SPATA25: variants seen among roughly 807,000 people sequenced by gnomAD.
SPATA25 encodes the protein spermatogenesis associated 25.
SPATA25 carries 16 observed loss-of-function variants against 16.0 expected under a neutral mutation model. That is an observed-to-expected ratio of 1.00 (90% confidence interval 0.68 to 1.52). The LOEUF is 1.52. Among genes scored for constraint, SPATA25 ranks in the 40% most tolerant of loss-of-function variants. SPATA25 has a pLI of 0.00. For missense variants in SPATA25, 285 were observed against 289.2 expected (o/e 0.99, Z 0.11); for synonymous variants, 115 against 118.5 (o/e 0.97, Z 0.19).
upstream of SPATA25, chr20:45,890,734 G>C (rs147644955): frequency 6.2e-7 from 1 of 1,613,304 alleles, no homozygotes; most frequent in Admixed American, 1.7e-5. Context: ...GGTCCAGCGC[G>C]GTCAGACCGA....
upstream of SPATA25, chr20:45,887,634 G>A (rs59032287): frequency 2.4e-3 from 3,825 of 1,589,484 alleles, 81 homozygotes; most frequent in African/African-American, 0.045. Flanking sequence ...GTGATCTGCC[G>A]CCTGTCCTCC....
upstream of SPATA25, chr20:45,890,688 G>C: frequency 6.2e-7 from 1 of 1,613,756 alleles, no homozygotes; most frequent in Non-Finnish European, 8.5e-7. Context: ...ACCAGATCGG[G>C]CAGAGAAAAC....
chr20:45,888,746 C>T, upstream of SPATA25: 1 of 1,613,582 alleles, frequency 6.2e-7, no homozygotes, highest in Non-Finnish European at 8.5e-7. Flanking sequence ...TGCTCTGGTG[C>T]ACTGTGGGTC....
chr20:45,889,623 T>TC (rs1986650460), upstream of SPATA25, among the ~76,000 whole-genome samples: 1 of 150,596 alleles, frequency 6.6e-6, no homozygotes, highest in Admixed American at 6.6e-5. Context: ...CTCTCTCTCT[T>TC]TCTTTTTTTT....
chr20:45,886,642 C>T lies in SPATA25; in HGVS notation c.559G>A (p.Ala187Thr). The T allele has an allele frequency of 6.2e-7, 1 of 1,614,070 alleles. No individual in the cohort carries two copies. Among genetic ancestry groups the T allele is most frequent in the Non-Finnish European group, 8.5e-7 (1 of 1,180,038 alleles). The change falls in exon 2 of 2, where the codon GCC becomes ACC. Residue 187 changes from alanine to threonine, a missense_variant. Ala to Thr is a moderately conservative substitution (Grantham distance 58, BLOSUM62 0). Coordinates refer to ENST00000372519, the MANE Select transcript of SPATA25 (RefSeq NM_080608.4). ...LIWAAQAFMMAHPEPEGAVEG... is the reference protein window; with the variant it reads ...LIWAAQAFMMTHPEPEGAVEG... ...ACAGCACCCTCTGGCTCCGGATGGGCCATCATGAAAGCTTGAGCGGCCCAG... is the reference window on the plus strand; with the variant it reads ...ACAGCACCCTCTGGCTCCGGATGGGTCATCATGAAAGCTTGAGCGGCCCAG...
upstream of SPATA25, chr20:45,888,878 G>T (rs1179401143): frequency 6.2e-7 from 1 of 1,613,978 alleles, no homozygotes; most frequent in Non-Finnish European, 8.5e-7. Flanking sequence ...ATGGCACTGT[G>T]GGAAGAAGAC....
At chr20:45,887,648 C>A, upstream of SPATA25, 1 of 1,550,870 alleles carries the variant, frequency 6.4e-7, no homozygotes. Flanking sequence ...GTCCTCCCTT[C>A]TTCACCCTTC....
At chr20:45,888,463 G>A (rs1298024467), upstream of SPATA25, among the ~76,000 whole-genome samples, 2 of 152,094 alleles carry the variant, frequency 1.3e-5, no homozygotes, top group Non-Finnish European at 2.9e-5. Context: ...AATCAAATAC[G>A]AATCCCTAGG....
Position 45,886,670 on chromosome 20 carries a change from C to G in SPATA25, c.531G>C (p.Leu177=), listed in dbSNP as rs1018262574. 6 of 1,614,052 alleles carry G rather than the reference C, an allele frequency of 3.7e-6. No individual in the cohort carries two copies. Among genetic ancestry groups the G allele is most frequent in the African/African-American group, 1.3e-5 (1 of 74,942 alleles). The stretch of plus-strand genomic sequence containing the variant: ...TCATGAAAGCTTGAGCGGCCCAGAT[C>G]AGGTCCTCTTCCCGAACTCCTGGGA... The part of the protein sequence containing the change: ...VPVPGVREED[L]IWAAQAFMMA... Residue 177 remains leucine (L), a synonymous_variant, in exon 2 of 2, where the codon CTG becomes CTC. Transcript: ENST00000372519.
At chr20:45,889,668 C>T (rs1013527541), upstream of SPATA25, among the ~76,000 whole-genome samples, 21 of 151,618 alleles carry the variant, frequency 1.4e-4, no homozygotes, top group Non-Finnish European at 7.4e-5. Context: ...GGCTGGAGTG[C>T]ACTGGTGAGA....
upstream of SPATA25, chr20:45,888,819 C>A: frequency 6.2e-7 from 1 of 1,614,106 alleles, no homozygotes; most frequent in Non-Finnish European, 8.5e-7. Flanking sequence ...AATGGCCAGC[C>A]GGTGCACCAT....
Position 45,886,898 on chromosome 20 carries a change from G to A in SPATA25, c.303C>T (p.Ser101=). The A allele has an allele frequency of 6.2e-7, 1 of 1,614,074 alleles. No individual in the cohort carries two copies. Among genetic ancestry groups the A allele is most frequent in the East Asian group, 2.2e-5 (1 of 44,894 alleles). The change falls in exon 2 of 2, where the codon AGC becomes AGT. Residue 101 remains serine, a synonymous_variant. Coordinates refer to ENST00000372519, the MANE Select transcript of SPATA25 (RefSeq NM_080608.4). ...TGGAGTAGCCATTGTCCCAGCCCAA[G>A]CTCTCCAGCTGCCTCACATGCGGGA... ...HKFPHVRQLE[S]LGWDNGYSRS...
Position 45,887,123 on chromosome 20 carries a change from C to T in SPATA25, c.78G>A (p.Leu26=). 6.3e-7 allele frequency: 1 copy of T among 1,591,634 alleles called. No individual in the cohort carries two copies. Among genetic ancestry groups the T allele is most frequent in the South Asian group, 1.1e-5 (1 of 90,880 alleles). Residue 26 remains leucine (L), a synonymous_variant, in exon 2 of 2, where the codon TTG becomes TTA. Coordinates refer to ENST00000372519, the MANE Select transcript of SPATA25 (RefSeq NM_080608.4). Reference sequence around the variant, plus strand: ...CTACAGGACTACAGAGGCCAAGGGACAAGCCTGGAGAAGCAGCCCCACCTG... The same window carrying T: ...CTACAGGACTACAGAGGCCAAGGGATAAGCCTGGAGAAGCAGCCCCACCTG... ...SGQGGAASPG[L]SLGLCSPVEP... is the part of the protein sequence containing the mutation.
Position 45,887,518 on chromosome 20 carries a change from C to T in SPATA25, c.55+18G>A. The T allele has an allele frequency of 6.2e-7, 1 of 1,611,974 alleles. No individual in the cohort carries two copies. The highest frequency in any genetic ancestry group is 8.5e-7 in the Non-Finnish European group (1 of 1,178,664). On this transcript the variant is annotated intron_variant, in intron 1 of 1. Coordinates refer to ENST00000372519, the MANE Select transcript of SPATA25 (RefSeq NM_080608.4). ...GAAGCTGCCGCACTCCCTCCAATTG[C>T]AGGTGCCCCCCGCTCACCTTGGCCG...
chr20:45,890,836 G>A (rs1198528368), upstream of SPATA25: 1 of 1,567,832 alleles, frequency 6.4e-7, no homozygotes, highest in Non-Finnish European at 8.6e-7. Flanking sequence ...TGAAGCACAC[G>A]CCGTGGGCGA....
At position 45,887,088 on chromosome 20, in the gene SPATA25, A is replaced by G. The variant is rs1484513127; in HGVS notation, c.113T>C (p.Val38Ala). ...LGLCSPVEPV[V>A]VASGGTGPLS... is the part of the protein sequence containing the mutation. ...TGGGCCTGTTCCACCAGAGGCCACCACCACTGGCTCTACAGGACTACAGAG... is the reference window on the plus strand; with the variant it reads ...TGGGCCTGTTCCACCAGAGGCCACCGCCACTGGCTCTACAGGACTACAGAG... Residue 38 changes from valine to alanine, a missense_variant, in exon 2 of 2, where the codon GTG (valine) becomes GCG (alanine). Transcript: ENST00000372519. 3.1e-6 allele frequency: 5 copies of G among 1,605,638 alleles called. No homozygotes were observed. The highest frequency in any genetic ancestry group is 1.3e-5 in the African/African-American group (1 of 74,924).
upstream of SPATA25, chr20:45,890,254 A>G (rs746300418): frequency 4.3e-6 from 7 of 1,613,750 alleles, no homozygotes; most frequent in Middle Eastern, 1.6e-4. Flanking sequence ...ACCTACAGCC[A>G]TACTCGAGCT....
At chr20:45,887,456 C>T (rs6032576) in intron 1 of SPATA25, 80 bp downstream of exon 1, 41,520 of 1,404,034 alleles carry the variant, frequency 0.03, 2,266 homozygotes, top group African/African-American at 0.19. Flanking sequence ...CCAGCAGAAC[C>T]GCCACCTCCC....
At chr20:45,887,698 A>T, upstream of SPATA25, 1 of 1,028,954 alleles carries the variant, frequency 9.7e-7, no homozygotes, top group Non-Finnish European at 1.4e-6. Context: ...CACACTTGGA[A>T]TCCACTTTAC....
Sources: allele counts gnomAD v4.1 joint callset (sites outside exome capture counted in the v4.1 genomes callset), GRCh38; gene constraint gnomAD v4.1.1; transcripts MANE v1.5; gene names NCBI Gene and HGNC (gene_info 2026-07-23, HGNC 2026-07-21).